Variants in ATP10B observed in about 807,000 individuals in gnomAD.
ATP10B encodes the protein phospholipid-transporting ATPase VB.
ATP10B carries 122 observed loss-of-function variants against 141.2 expected under a neutral mutation model. The ratio of observed to expected loss-of-function variants is 0.86; its 90% CI spans 0.75 to 1.00. ATP10B has a LOEUF of 1.00. ATP10B is among the 50% of genes least tolerant of loss of function. ATP10B has a pLI of 0.00. For synonymous variants in ATP10B, 685 were observed against 692.0 expected, an observed-to-expected ratio of 0.99 and a Z score of 0.16; for missense variants, 1,876 against 1,825.3, an observed-to-expected ratio of 1.03 and a Z score of -0.51.
chr5:160,890,409 A>T, the ATP10B span, among the ~76,000 whole-genome samples: 1 of 152,114 alleles, frequency 6.6e-6, no homozygotes, highest in East Asian at 1.9e-4. Flanking sequence ...TTTTATCCCA[A>T]AGAAAGAAAC....
chr5:160,701,568 C>A (rs1296021822), intron 3 of ATP10B, among the ~76,000 whole-genome samples: 1 of 152,154 alleles, frequency 6.6e-6, no homozygotes, highest in East Asian at 1.9e-4. Context: ...AATCACCCTT[C>A]TACCCTAGAG....
At chr5:160,587,638 C>T (rs79823604) in intron 24 of ATP10B, among the ~76,000 whole-genome samples, 43 of 152,156 alleles carry the variant, frequency 2.8e-4, no homozygotes, top group African/African-American at 1.0e-3. Flanking sequence ...TTTAAGAGGT[C>T]CTTCACTTCC....
intron 5 of ATP10B, among the ~76,000 whole-genome samples, chr5:160,687,232 T>TATAATTAAAAAA (rs1480300762): frequency 3.3e-5 from 5 of 152,240 alleles, no homozygotes; most frequent in African/African-American, 1.2e-4. Context: ...CTAATGTCTG[T>TATAATTAAAAAA]CTCTTTTACT....
intron 9 of ATP10B, among the ~76,000 whole-genome samples, chr5:160,642,094 G>A (rs1286181475): frequency 6.6e-6 from 1 of 152,172 alleles, no homozygotes; most frequent in Non-Finnish European, 1.5e-5. Flanking sequence ...TGGGGCAGTG[G>A]ATAAGAGTGT....
upstream of ATP10B, among the ~76,000 whole-genome samples, chr5:160,852,987 A>G (rs1230735632): frequency 2.6e-5 from 4 of 152,206 alleles, no homozygotes; most frequent in Non-Finnish European, 5.9e-5. Flanking sequence ...AAATCTTTAC[A>G]TAAGATTTTG....
intron 2 of ATP10B, among the ~76,000 whole-genome samples, chr5:160,760,532 T>G (rs904173121): frequency 2.4e-4 from 36 of 152,178 alleles, no homozygotes; most frequent in African/African-American, 8.4e-4. Context: ...ATTGCCAAAT[T>G]TTTTACTTTT....
chr5:160,646,646 A>C (rs949256320), intron 8 of ATP10B, among the ~76,000 whole-genome samples: 1 of 152,176 alleles, frequency 6.6e-6, no homozygotes, highest in Non-Finnish European at 1.5e-5. Context: ...TGGATTTAAT[A>C]CTGGGCTAAT....
chr5:160,921,875 G>A, the ATP10B span, among the ~76,000 whole-genome samples: 3 of 152,158 alleles, frequency 2.0e-5, no homozygotes, highest in African/African-American at 7.2e-5. Context: ...ATACCCGCAG[G>A]CAGCCTTTTC....
chr5:160,923,046 G>A, the ATP10B span, among the ~76,000 whole-genome samples: 3 of 152,338 alleles, frequency 2.0e-5, no homozygotes, highest in East Asian at 1.9e-4. Context: ...TACACTCATC[G>A]ATGAAGTGTC....
At chr5:160,645,067 A>G (rs962668235) in intron 8 of ATP10B, among the ~76,000 whole-genome samples, 1 of 151,498 alleles carries the variant, frequency 6.6e-6, no homozygotes, top group Non-Finnish European at 1.5e-5. Flanking sequence ...CCGTGAGCCA[A>G]GATTGCTCCT....
the ATP10B span, among the ~76,000 whole-genome samples, chr5:160,893,214 A>G: frequency 5.9e-5 from 9 of 152,032 alleles, no homozygotes; most frequent in African/African-American, 2.2e-4. Context: ...CACTCCCCTG[A>G]AAAGGGGGCT....
At chr5:160,907,592 C>T in the ATP10B span, among the ~76,000 whole-genome samples, 2 of 152,088 alleles carry the variant, frequency 1.3e-5, no homozygotes, top group Non-Finnish European at 2.9e-5. Context: ...AACTTCTGGG[C>T]TCAAGCAATC....
chr5:160,822,572 G>A (rs1249968899), intron 1 of ATP10B, among the ~76,000 whole-genome samples: 1 of 152,094 alleles, frequency 6.6e-6, no homozygotes, highest in Non-Finnish European at 1.5e-5. Context: ...CATGTTTGTT[G>A]CAGCAGTATT....
intron 7 of ATP10B, among the ~76,000 whole-genome samples, chr5:160,654,655 G>A (rs887743727): frequency 6.6e-6 from 1 of 152,164 alleles, no homozygotes; most frequent in African/African-American, 2.4e-5. Flanking sequence ...AAGTAACAGA[G>A]TCAGGATTGC....
rs188422297 is a variant in ATP10B, at chr5:160,600,910, G to T, written c.3363+1667C>A. On this transcript the variant is annotated intron_variant, in intron 21 of 25. Coordinates refer to ENST00000327245, the MANE Select transcript of ATP10B (RefSeq NM_025153.3). ...AGGGAGATAATGCGGCATTAGTATC[G>T]CAATTTTGAGCATGGCATTGGGCTG... Among the ~76,000 whole-genome samples the T allele has an allele frequency of 4.6e-5, 7 of 152,236 alleles. 1 individual carries two copies. Among genetic ancestry groups the T allele is most frequent in the Admixed American group, 3.3e-4 (5 of 15,266 alleles).
chr5:160,750,534 C>A (rs1768082634), intron 2 of ATP10B, among the ~76,000 whole-genome samples: 1 of 152,200 alleles, frequency 6.6e-6, no homozygotes, highest in Non-Finnish European at 1.5e-5. Flanking sequence ...TTAATCCCCA[C>A]TGCTGCCATT....
intron 1 of ATP10B, among the ~76,000 whole-genome samples, chr5:160,802,975 A>T (rs554010176): frequency 5.3e-5 from 8 of 152,290 alleles, no homozygotes; most frequent in African/African-American, 1.9e-4. Flanking sequence ...CTGCTTGCTC[A>T]GAAGGAAGGA....
chr5:160,681,317 T>C (rs1763388718), intron 6 of ATP10B, among the ~76,000 whole-genome samples: 1 of 152,234 alleles, frequency 6.6e-6, no homozygotes, highest in Non-Finnish European at 1.5e-5. Context: ...AGATCTAGTC[T>C]GACTCCCAAA....
At chr5:160,837,812 C>G (rs1387921914) in intron 1 of ATP10B, among the ~76,000 whole-genome samples, 1 of 152,068 alleles carries the variant, frequency 6.6e-6, no homozygotes, top group Non-Finnish European at 1.5e-5. Flanking sequence ...TCCTCCACCC[C>G]ATTCTTGCCC....
Sources: allele counts gnomAD v4.1 joint callset (sites outside exome capture counted in the v4.1 genomes callset), GRCh38; gene constraint gnomAD v4.1.1; transcripts MANE v1.5; gene names NCBI Gene and HGNC (gene_info 2026-07-23, HGNC 2026-07-21).